Variants in PARD3 observed in about 807,000 individuals in gnomAD.
PARD3 encodes par-3 family cell polarity regulator, also known as partitioning defective 3 homolog.
PARD3 carries 75 observed loss-of-function variants against 155.4 expected under a neutral mutation model. The observed-to-expected ratio is 0.48, with a 90% confidence interval of 0.40 to 0.58. The LOEUF is 0.58. Ranked by LOEUF, PARD3 falls within the 20% of genes least tolerant of loss-of-function variation. The pLI is 0.00. For synonymous variants in PARD3, 576 were observed against 610.5 expected (o/e 0.94, Z 0.83); for missense variants, 1,642 against 1,721.7 (o/e 0.95, Z 0.82).
In PARD3 at chr10:34,432,475, A is replaced by C. The variant is rs558463191; in HGVS notation, c.714+17842T>G. The stretch of plus-strand genomic sequence containing the variant: ...AGTAAGTTTGAAGCCTGGGAGACAC[A>C]GAGCAAAATTAAAAGAAACAAGAAA... On this transcript the variant is annotated intron_variant, in intron 5 of 24. Transcript: ENST00000374788. 2.2e-4 allele frequency among the ~76,000 whole-genome samples: 34 copies of C among 152,230 alleles called. No homozygotes were observed. In the South Asian group the frequency reaches 3.3e-3, roughly 15 times the overall value.
chr10:34,313,966 TCA>T (rs934712927), intron 20 of PARD3, among the ~76,000 whole-genome samples: 4 of 152,172 alleles, frequency 2.6e-5, no homozygotes, highest in Admixed American at 2.6e-4. Context: ...AAGAAAAGGA[TCA>T]CACACACAGA....
At chr10:34,619,040 A>C (rs2091447657) in intron 2 of PARD3, among the ~76,000 whole-genome samples, 1 of 149,940 alleles carries the variant, frequency 6.7e-6, no homozygotes, top group Admixed American at 6.6e-5. Flanking sequence ...TAGTCCCATA[A>C]AGCCTTTTTT....
chr10:34,119,729 C>G lies in PARD3; in HGVS notation c.3552G>C (p.Arg1184=). 6.2e-7 allele frequency: 1 copy of G among 1,611,170 alleles called. No individual in the cohort carries two copies. Among genetic ancestry groups the G allele is most frequent in the Non-Finnish European group, 8.5e-7 (1 of 1,178,062 alleles). The stretch of plus-strand genomic sequence containing the variant: ...AGTGTCGCCCGCTCTGCGTCGCCGG[C>G]CGTGCGTTCGGCTGGAAGAGGAAAA... ...YSFEQPWPNA[R]PATQSGRHSV... is the part of the protein sequence containing the mutation. The change falls in exon 24 of 25, where the codon CGG becomes CGC. Residue 1184 remains arginine (R), a synonymous_variant. Transcript: ENST00000374788.
At chr10:34,211,825 C>T (rs574947731) in intron 22 of PARD3, among the ~76,000 whole-genome samples, 4 of 152,064 alleles carry the variant, frequency 2.6e-5, no homozygotes, top group African/African-American at 4.8e-5. Context: ...AGTAGAGATG[C>T]CTGTTCCTCT....
At chr10:34,708,345 A>G (rs537087020) in intron 1 of PARD3, among the ~76,000 whole-genome samples, 43 of 152,334 alleles carry the variant, frequency 2.8e-4, no homozygotes, top group African/African-American at 1.0e-3. Context: ...ATCTGGAAAG[A>G]AAAAGTACTA....
At chr10:34,261,821 G>GAA (rs1385294198) in intron 22 of PARD3, among the ~76,000 whole-genome samples, 1 of 102,804 alleles carries the variant, frequency 9.7e-6, no homozygotes, top group African/African-American at 2.9e-5. Context: ...AAGAAAGAAA[G>GAA]AAAGAAACAA....
At chr10:34,575,487 C>A (rs527350490) in intron 2 of PARD3, among the ~76,000 whole-genome samples, 2 of 152,314 alleles carry the variant, frequency 1.3e-5, no homozygotes, top group South Asian at 2.1e-4. Flanking sequence ...AAAGAGCACA[C>A]CCCTTAGGAT....
intron 22 of PARD3, among the ~76,000 whole-genome samples, chr10:34,201,652 G>C (rs1302759627): frequency 6.6e-6 from 1 of 151,988 alleles, no homozygotes; most frequent in East Asian, 1.9e-4. Flanking sequence ...GTGGTATGAA[G>C]TTCTGTGTGT....
intron 3 of PARD3, among the ~76,000 whole-genome samples, chr10:34,502,358 G>A (rs2080773541): frequency 6.6e-6 from 1 of 152,096 alleles, no homozygotes; most frequent in South Asian, 2.1e-4. Context: ...GGCCATACAC[G>A]AAGGAAGGCA....
At chr10:34,611,807 C>CTTTTTTTTT (rs397829689) in intron 2 of PARD3, among the ~76,000 whole-genome samples, 5 of 109,236 alleles carry the variant, frequency 4.6e-5, no homozygotes, top group Non-Finnish European at 8.9e-5. Context: ...ACATTTCTTT[C>CTTTTTTTTT]TTTTTTTTTT....
intron 2 of PARD3, among the ~76,000 whole-genome samples, chr10:34,678,940 C>A (rs1025463675): frequency 1.3e-5 from 2 of 152,008 alleles, no homozygotes; most frequent in East Asian, 3.9e-4. Flanking sequence ...CGAATCCTTC[C>A]GAGAGGTCCC....
In PARD3 at chr10:34,122,279, G is replaced by A. The variant is rs138651454; in HGVS notation, c.3541-2539C>T. ...TGAAGGGAAATTGCAAGGTCTTGTA[G>A]AAATTTCAGGTGTATTTTTAAGTTG... On this transcript the variant is annotated intron_variant, in intron 23 of 24. Coordinates refer to ENST00000374788, the MANE Select transcript of PARD3 (RefSeq NM_001184785.2). 1.0e-3 allele frequency among the ~76,000 whole-genome samples: 158 copies of A among 152,302 alleles called. 1 individual carries two copies. The highest frequency in any genetic ancestry group is 3.2e-3 in the African/African-American group (135 of 41,566).
At chr10:34,293,912 G>C (rs940502587) in intron 20 of PARD3, among the ~76,000 whole-genome samples, 1 of 152,130 alleles carries the variant, frequency 6.6e-6, no homozygotes, top group Non-Finnish European at 1.5e-5. Context: ...GGTTACCATG[G>C]TTTTCCTTTT....
At chr10:34,374,415 T>A (rs965710248) in intron 11 of PARD3, among the ~76,000 whole-genome samples, 11 of 152,176 alleles carry the variant, frequency 7.2e-5, no homozygotes, top group African/African-American at 2.2e-4. Flanking sequence ...ATAATTTTTT[T>A]AAAAAGGTAT....
At chr10:34,445,424 T>G (rs1468408943) in intron 5 of PARD3, among the ~76,000 whole-genome samples, 1 of 152,214 alleles carries the variant, frequency 6.6e-6, no homozygotes, top group Non-Finnish European at 1.5e-5. Context: ...GCTTCTACTC[T>G]TCTAGTATAC....
rs554616282 is a variant in PARD3 at position 34,175,318 on chromosome 10, G to A, written c.3420-43735C>T. Among the ~76,000 whole-genome samples, 7 of 152,288 alleles carry A rather than the reference G, an allele frequency of 4.6e-5. No homozygotes were observed. The South Asian group carries it at 1.5e-3, about 32-fold the overall frequency. ...TTGCAACTCATTCAGAAAATTGCCT[G>A]GATAACTTGGGAAAGCCCTGTTTAT... On this transcript the variant is annotated intron_variant, in intron 22 of 24. Transcript: ENST00000374788.
At chr10:34,709,789 C>G (rs2094424251) in intron 1 of PARD3, among the ~76,000 whole-genome samples, 1 of 152,154 alleles carries the variant, frequency 6.6e-6, no homozygotes. Flanking sequence ...CTCCTATCTC[C>G]CACCAAACCT....
At chr10:34,366,706 AAG>A (rs1210749631) in intron 12 of PARD3, among the ~76,000 whole-genome samples, 2 of 152,220 alleles carry the variant, frequency 1.3e-5, no homozygotes, top group African/African-American at 4.8e-5. Context: ...ATTTTTAACT[AAG>A]AGAAAGATTT....
intron 14 of PARD3, among the ~76,000 whole-genome samples, chr10:34,352,956 C>T (rs1379605826): frequency 6.6e-6 from 1 of 151,426 alleles, no homozygotes; most frequent in Admixed American, 6.6e-5. Context: ...TCTGCCCCGC[C>T]GCCCCATCTG....
Sources: allele counts gnomAD v4.1 joint callset (sites outside exome capture counted in the v4.1 genomes callset), GRCh38; gene constraint gnomAD v4.1.1; transcripts MANE v1.5; gene names NCBI Gene and HGNC (gene_info 2026-07-23, HGNC 2026-07-21).